CCDC6: variants seen among roughly 807,000 people sequenced by gnomAD.
The protein encoded by CCDC6 is coiled-coil domain-containing protein 6.
Under a neutral mutation model 56.6 loss-of-function variants are expected in CCDC6, and 20 were observed. The ratio of observed to expected loss-of-function variants is 0.35; its 90% confidence interval spans 0.25 to 0.51. CCDC6 has a LOEUF of 0.51. CCDC6 is among the 20% of genes least tolerant of loss of function. CCDC6 has a pLI of 0.95. For synonymous variants in CCDC6, 241 were observed against 234.4 expected, an observed-to-expected ratio of 1.03 and a Z score of -0.26; for missense variants, 367 against 601.1, an observed-to-expected ratio of 0.61 and a Z score of 4.07.
rs150943768 is a variant in CCDC6, at chr10:59,814,748, C to T, written c.590G>A (p.Arg197Gln). 6 of 1,605,668 alleles carry T rather than the reference C, an allele frequency of 3.7e-6. No individual in the cohort carries two copies. The South Asian group carries it at 4.4e-5, about 12-fold the overall frequency. The change falls in exon 4 of 9, where the codon CGG (arginine) becomes CAG (glutamine). Residue 197 changes from arginine (R) to glutamine (Q), a missense_variant. Arg to Gln is a conservative substitution (Grantham distance 43). Coordinates refer to ENST00000263102, the MANE Select transcript of CCDC6 (RefSeq NM_005436.5). ...SKQLTLEQLR[R>Q]EKIDLENTLE... ...TGTATTTTCAAGGTCAATCTTCTCC[C>T]GTCTCAACTAAAGGAAGGAAAAAAG...
At chr10:59,900,600 C>G (rs1356802256) in intron 1 of CCDC6, among the ~76,000 whole-genome samples, 1 of 152,174 alleles carries the variant, frequency 6.6e-6, no homozygotes, top group African/African-American at 2.4e-5. Context: ...AATGGGGAGT[C>G]ATTCAATATG....
intron 1 of CCDC6, among the ~76,000 whole-genome samples, chr10:59,861,328 T>C (rs1276093255): frequency 2.0e-5 from 3 of 151,228 alleles, no homozygotes; most frequent in Non-Finnish European, 2.9e-5. Context: ...CACTGCACTC[T>C]AGCCTGGGCA....
At chr10:59,855,418 T>C (rs777995335) in intron 1 of CCDC6, among the ~76,000 whole-genome samples, 55 of 152,026 alleles carry the variant, frequency 3.6e-4, no homozygotes, top group Non-Finnish European at 1.9e-4. Context: ...ATAAAAAAAA[T>C]TAGCTGAGCA....
At chr10:59,843,048 C>T (rs981046574) in intron 2 of CCDC6, among the ~76,000 whole-genome samples, 4 of 151,408 alleles carry the variant, frequency 2.6e-5, no homozygotes, top group Admixed American at 6.6e-5. Flanking sequence ...CCACCACACC[C>T]GGCCTTTTTT....
intron 1 of CCDC6, among the ~76,000 whole-genome samples, chr10:59,903,153 C>T (rs1228707353): frequency 6.6e-6 from 1 of 152,060 alleles, no homozygotes; most frequent in Non-Finnish European, 1.5e-5. Context: ...CAGGAGTTTG[C>T]AGGGAGGGAA....
intron 3 of CCDC6, among the ~76,000 whole-genome samples, chr10:59,827,762 A>G (rs2070800430): frequency 6.6e-6 from 1 of 152,128 alleles, no homozygotes; most frequent in South Asian, 2.1e-4. Flanking sequence ...TTCCAGGAAT[A>G]ACTGAAAAAA....
At chr10:59,858,009 C>G (rs2071094452) in intron 1 of CCDC6, among the ~76,000 whole-genome samples, 1 of 152,174 alleles carries the variant, frequency 6.6e-6, no homozygotes. Context: ...TTAGCAGAAT[C>G]CCTCATGACC....
intron 1 of CCDC6, among the ~76,000 whole-genome samples, chr10:59,866,196 G>A (rs2071175664): frequency 6.6e-6 from 1 of 152,136 alleles, no homozygotes; most frequent in South Asian, 2.1e-4. Context: ...CACCCTGAAG[G>A]GGTATATAAT....
chr10:59,846,576 AAGT>A (rs1056405770), intron 2 of CCDC6, among the ~76,000 whole-genome samples: 23 of 152,204 alleles, frequency 1.5e-4, no homozygotes, highest in African/African-American at 5.1e-4. Flanking sequence ...TTTTCTTCTT[AAGT>A]ATTTCAAACC....
chr10:59,822,484 G>A (rs2070756690), intron 3 of CCDC6, among the ~76,000 whole-genome samples: 1 of 152,180 alleles, frequency 6.6e-6, no homozygotes, highest in Admixed American at 6.5e-5. Context: ...ACAGTATTGT[G>A]TATACATTCT....
chr10:59,827,432 C>T (rs1423398348), intron 3 of CCDC6, among the ~76,000 whole-genome samples: 1 of 152,102 alleles, frequency 6.6e-6, no homozygotes, highest in South Asian at 2.1e-4. Flanking sequence ...AATAATCCTG[C>T]ATCAGAAAGA....
intron 1 of CCDC6, among the ~76,000 whole-genome samples, chr10:59,890,627 A>G (rs1291701384): frequency 1.3e-5 from 2 of 152,196 alleles, no homozygotes; most frequent in African/African-American, 2.4e-5. Context: ...TTTTTAGAGA[A>G]GAGGGCAAGA....
At chr10:59,882,357 CCGCGGGGAGAAGGAAAGGAAAGCCG>C (rs1564755981) in intron 1 of CCDC6, among the ~76,000 whole-genome samples, 1 of 16,636 alleles carries the variant, frequency 6.0e-5, no homozygotes. Context: ...GAAAGGAAAG[CCGCGGGGAGAAGGAAAGGAAAGCCG>C]CGGGGAGAAG....
Position 59,894,783 on chromosome 10 carries a change from G to C in CCDC6, c.303+11339C>G, listed in dbSNP as rs1379894811. Among the ~76,000 whole-genome samples, 9 of 152,098 alleles carry C rather than the reference G, an allele frequency of 5.9e-5. No individual in the cohort carries two copies. The East Asian group carries it at 1.7e-3, about 29-fold the overall frequency. On this transcript the variant is annotated intron_variant, in intron 1 of 8. Transcript: ENST00000263102. ...TGGAGTAGACCAAGGCCCAACTGGA[G>C]GGCAACTGAGCCAGGAAGGGGAGCA...
At chr10:59,840,856 G>A (rs1243447008) in intron 2 of CCDC6, among the ~76,000 whole-genome samples, 1 of 152,064 alleles carries the variant, frequency 6.6e-6, no homozygotes, top group African/African-American at 2.4e-5. Flanking sequence ...ACCATCTTCA[G>A]TACTACTTCC....
chr10:59,827,213 G>C (rs140804890), intron 3 of CCDC6, among the ~76,000 whole-genome samples: 129 of 152,266 alleles, frequency 8.5e-4, no homozygotes, highest in Non-Finnish European at 1.5e-3. Flanking sequence ...TTTTCAAACT[G>C]AAGGTCAAGA....
intron 1 of CCDC6, among the ~76,000 whole-genome samples, chr10:59,872,786 G>C (rs897741480): frequency 4.3e-5 from 6 of 137,998 alleles, no homozygotes; most frequent in African/African-American, 1.4e-4. Flanking sequence ...AGATGGGGGG[G>C]TGGGGGAAGG....
chr10:59,897,884 A>G (rs1212736948), intron 1 of CCDC6, among the ~76,000 whole-genome samples: 1 of 152,046 alleles, frequency 6.6e-6, no homozygotes, highest in East Asian at 1.9e-4. Flanking sequence ...GAACATCCCA[A>G]CTCTGCTCTG....
Position 59,864,650 on chromosome 10 carries a change from T to C in CCDC6, c.304-11948A>G, listed in dbSNP as rs139085160. The stretch of plus-strand genomic sequence containing the variant: ...CTTAAGGCTATAAACAACAACAATG[T>C]ACTGTCATTACTCTATGGGTTAATG... On this transcript the variant is annotated intron_variant, in intron 1 of 8. Coordinates refer to ENST00000263102, the MANE Select transcript of CCDC6 (RefSeq NM_005436.5). Among the ~76,000 whole-genome samples the C allele has an allele frequency of 2.0e-5, 3 of 152,254 alleles. No individual in the cohort carries two copies. In the East Asian group the frequency reaches 5.8e-4, roughly 29 times the overall value.
Sources: allele counts gnomAD v4.1 joint callset (sites outside exome capture counted in the v4.1 genomes callset), GRCh38; gene constraint gnomAD v4.1.1; transcripts MANE v1.5; gene names NCBI Gene and HGNC (gene_info 2026-07-23, HGNC 2026-07-21).